TENM1: variants seen among roughly 807,000 people sequenced by gnomAD.
TENM1 encodes teneurin transmembrane protein 1, also known as teneurin-1.
A neutral mutation model predicts 174.8 loss-of-function variants in TENM1; 35 were observed. The observed-to-expected ratio is 0.20, with a 90% CI of 0.15 to 0.27. TENM1 has a LOEUF of 0.27. Ranked by LOEUF, TENM1 falls within the 10% of genes least tolerant of loss-of-function variation. TENM1 has a pLI of 1.00. For missense variants in TENM1, 1,633 were observed against 2,130.1 expected, an observed-to-expected ratio of 0.77 and a Z score of 4.59; for synonymous variants, 781 against 798.7, an observed-to-expected ratio of 0.98 and a Z score of 0.37.
At chrX:125,142,702 C>T in the TENM1 span, among the ~76,000 whole-genome samples, 2 of 111,583 alleles carry the variant, frequency 1.8e-5, no homozygotes, top group African/African-American at 6.5e-5. Context: ...GGCATCTCAT[C>T]CTGGTACAGC....
At chrX:124,947,620 T>G (rs2058422356) in intron 1 of TENM1, among the ~76,000 whole-genome samples, 1 of 112,198 alleles carries the variant, frequency 8.9e-6, no homozygotes, top group Non-Finnish European at 1.9e-5. Flanking sequence ...AGCACGAGGA[T>G]TTACTTGCTG....
chrX:124,841,282 C>T (rs2056493741), intron 3 of TENM1, among the ~76,000 whole-genome samples: 1 of 111,676 alleles, frequency 9.0e-6, no homozygotes, highest in African/African-American at 3.3e-5. Flanking sequence ...CATCTTTTGT[C>T]CTTTTGGTTA....
At chrX:124,640,696 C>T (rs1029989048) in intron 11 of TENM1, among the ~76,000 whole-genome samples, 2 of 111,394 alleles carry the variant, frequency 1.8e-5, no homozygotes, top group Non-Finnish European at 3.8e-5. Context: ...TGCAGTGGCT[C>T]ATGCCTTTAA....
At chrX:124,965,235 G>A (rs2058711567), upstream of TENM1, among the ~76,000 whole-genome samples, 1 of 110,804 alleles carries the variant, frequency 9.0e-6, no homozygotes, top group East Asian at 2.9e-4. Context: ...CCGCCACCAT[G>A]CCCGGCTAAT....
chrX:125,046,933 G>T, the TENM1 span, among the ~76,000 whole-genome samples: 2 of 108,535 alleles, frequency 1.8e-5, no homozygotes. Context: ...AGTAAATGAG[G>T]CTTATTACTG....
At chrX:125,192,739 A>G in the TENM1 span, among the ~76,000 whole-genome samples, 1 of 111,944 alleles carries the variant, frequency 8.9e-6, no homozygotes, top group African/African-American at 3.2e-5. Flanking sequence ...TTTAATTTTT[A>G]AAATAAACAG....
chrX:124,612,745 T>C (rs1351124878), intron 11 of TENM1, among the ~76,000 whole-genome samples: 1 of 110,922 alleles, frequency 9.0e-6, no homozygotes, highest in East Asian at 2.8e-4. Flanking sequence ...TTCCTTGCTT[T>C]CTCCCTCCCT....
the TENM1 span, among the ~76,000 whole-genome samples, chrX:125,195,681 A>G: frequency 8.9e-5 from 10 of 111,841 alleles, no homozygotes; most frequent in African/African-American, 3.2e-4. Flanking sequence ...CTAGCAGCAT[A>G]TGAATACATG....
At chrX:124,528,454 T>G (rs1177006708) in intron 16 of TENM1, among the ~76,000 whole-genome samples, 1 of 111,092 alleles carries the variant, frequency 9.0e-6, no homozygotes, top group Non-Finnish European at 1.9e-5. Context: ...GTCAAATGTC[T>G]CAGAAGACAT....
intron 18 of TENM1, among the ~76,000 whole-genome samples, chrX:124,519,859 A>T (rs1277414676): frequency 1.8e-5 from 2 of 111,752 alleles, no homozygotes; most frequent in African/African-American, 6.5e-5. Flanking sequence ...GAGTTCTTTT[A>T]AAAATATTCT....
chrX:125,073,055 T>C, the TENM1 span, among the ~76,000 whole-genome samples: 3 of 111,357 alleles, frequency 2.7e-5, no homozygotes, highest in African/African-American at 9.8e-5. Flanking sequence ...ATCAAACCTT[T>C]TGCATCACAT....
chrX:124,479,487 A>G (rs781685303), intron 22 of TENM1, among the ~76,000 whole-genome samples: 1 of 111,930 alleles, frequency 8.9e-6, no homozygotes, highest in South Asian at 3.8e-4. Flanking sequence ...AGAAAAACTT[A>G]GTTTAATATT....
intron 3 of TENM1, among the ~76,000 whole-genome samples, chrX:124,836,044 A>G (rs1444568965): frequency 5.4e-5 from 6 of 111,981 alleles, no homozygotes; most frequent in Non-Finnish European, 9.4e-5. Flanking sequence ...TTAAGGAATA[A>G]GCAGGTGAGA....
intron 3 of TENM1, among the ~76,000 whole-genome samples, chrX:124,866,392 A>C (rs1305267801): frequency 8.9e-6 from 1 of 112,188 alleles, no homozygotes; most frequent in Non-Finnish European, 1.9e-5. Context: ...AAATTAAACA[A>C]TATGTTCCTG....
At chrX:124,781,110 T>A in intron 3 of TENM1, among the ~76,000 whole-genome samples, 1 of 112,096 alleles carries the variant, frequency 8.9e-6, no homozygotes, top group East Asian at 2.8e-4. Flanking sequence ...ATATTACTTA[T>A]TTCTAATAAA....
chrX:125,156,275 T>G, the TENM1 span, among the ~76,000 whole-genome samples: 5 of 111,834 alleles, frequency 4.5e-5, no homozygotes, highest in African/African-American at 6.5e-5. Flanking sequence ...GCTTTTATTT[T>G]GGGTTCAGGG....
intron 11 of TENM1, among the ~76,000 whole-genome samples, chrX:124,615,362 A>G (rs907747737): frequency 9.0e-6 from 1 of 111,654 alleles, no homozygotes; most frequent in African/African-American, 3.3e-5. Context: ...AATTCAAGAA[A>G]CTTAGTATTT....
the TENM1 span, among the ~76,000 whole-genome samples, chrX:125,057,155 T>C: frequency 1.9e-3 from 216 of 112,123 alleles, 1 homozygote; most frequent in Non-Finnish European, 3.4e-3. Flanking sequence ...ATATCTTTTA[T>C]GCAAGATAAT....
At chrX:124,430,893 C>A (rs1001928095) in intron 23 of TENM1, among the ~76,000 whole-genome samples, 5 of 112,006 alleles carry the variant, frequency 4.5e-5, no homozygotes, top group Non-Finnish European at 9.4e-5. Flanking sequence ...ACTCTTGGTA[C>A]AATTCCAGCT....
Sources: allele counts gnomAD v4.1 joint callset (sites outside exome capture counted in the v4.1 genomes callset), GRCh38; gene constraint gnomAD v4.1.1; transcripts MANE v1.5; gene names NCBI Gene and HGNC (gene_info 2026-07-23, HGNC 2026-07-21).